IGSF10: variants seen among roughly 807,000 people sequenced by gnomAD.
IGSF10 encodes the protein calvaria mechanical force protein 608.
IGSF10 carries 126 observed loss-of-function variants against 128.2 expected under a neutral mutation model. The observed-to-expected ratio is 0.98, with a 90% CI of 0.85 to 1.14. The LOEUF (loss-of-function observed/expected upper bound fraction) is 1.14, where lower values mean the gene tolerates loss of function less well. IGSF10 is among the 50% of genes most tolerant of loss of function. The pLI is 0.00. For synonymous variants in IGSF10, 1,185 were observed against 1,146.2 expected, an observed-to-expected ratio of 1.03 and a Z score of -0.68; for missense variants, 3,295 against 3,149.8, an observed-to-expected ratio of 1.05 and a Z score of -1.10.
rs779565299 is a variant in IGSF10 at position 151,437,937 on chromosome 3, A to C, written c.6624T>G (p.Ser2208=). 1 of 1,614,130 alleles carries C rather than the reference A, an allele frequency of 6.2e-7. No homozygotes were observed. The highest frequency in any genetic ancestry group is 1.3e-5 in the African/African-American group (1 of 74,948). Residue 2208 remains serine, a synonymous_variant, in exon 8 of 8, where the codon TCT becomes TCG. Coordinates refer to ENST00000282466, the MANE Select transcript of IGSF10 (RefSeq NM_178822.5). ...LTINKVKLLD[S]GEYVCVARNP... ...TTCGGGCTACACATACGTACTCTCC[A>C]GAATCGAGCAGTTTCACTTTGTTGA...
At chr3:151,530,086 T>G in the IGSF10 span, among the ~76,000 whole-genome samples, 3 of 151,350 alleles carry the variant, frequency 2.0e-5, no homozygotes, top group African/African-American at 7.3e-5. Flanking sequence ...ATAGCCGAAT[T>G]GATCAAGCAG....
At position 151,457,045 on chromosome 3, in the gene IGSF10, GAGA is replaced by G; in HGVS notation, c.302_304del (p.Phe101del). ...TCTCACCTGCAAGGCCTGCAAATCT[GAGA>G]AGGTCTTGTCAGGGATTGTGTGAAT... On this transcript the variant is annotated inframe_deletion, in exon 4 of 8. Transcript: ENST00000282466. 6.2e-7 allele frequency: 1 copy of G among 1,614,184 alleles called. No individual in the cohort carries two copies. Among genetic ancestry groups the G allele is most frequent in the Non-Finnish European group, 8.5e-7 (1 of 1,180,022 alleles).
At chr3:151,456,282 T>C (rs1721788054) in intron 4 of IGSF10, among the ~76,000 whole-genome samples, 1 of 152,348 alleles carries the variant, frequency 6.6e-6, no homozygotes, top group East Asian at 1.9e-4. Context: ...CACAGGTACT[T>C]CATCTTTTAC....
chr3:151,459,561 T>C (rs78357174), intron 2 of IGSF10, among the ~76,000 whole-genome samples: 2,353 of 152,322 alleles, frequency 0.015, 55 homozygotes, highest in African/African-American at 0.053. Context: ...TGTCTGCTTT[T>C]GCTCAGCTTC....
chr3:151,554,572 G>A, the IGSF10 span, among the ~76,000 whole-genome samples: 1 of 151,774 alleles, frequency 6.6e-6, no homozygotes, highest in Non-Finnish European at 1.5e-5. Context: ...ATAAAATCTT[G>A]TCTAGTTTCA....
chr3:151,609,063 C>T, the IGSF10 span, among the ~76,000 whole-genome samples: 11 of 152,072 alleles, frequency 7.2e-5, no homozygotes, highest in Admixed American at 2.0e-4. Flanking sequence ...AGACTGAGAA[C>T]GACTGCTTTA....
At chr3:151,592,441 G>T in the IGSF10 span, among the ~76,000 whole-genome samples, 1 of 147,284 alleles carries the variant, frequency 6.8e-6, no homozygotes, top group Non-Finnish European at 1.5e-5. Flanking sequence ...TGTGCATCAG[G>T]TTTGCATCAG....
the IGSF10 span, among the ~76,000 whole-genome samples, chr3:151,577,833 G>A: frequency 6.6e-6 from 1 of 152,146 alleles, no homozygotes. Context: ...TAAGAGATGA[G>A]TAAGTGAGCT....
At chr3:151,568,586 C>T in the IGSF10 span, among the ~76,000 whole-genome samples, 1 of 152,182 alleles carries the variant, frequency 6.6e-6, no homozygotes, top group Non-Finnish European at 1.5e-5. Context: ...AATAAGCTGA[C>T]ATTCAAGCAC....
At chr3:151,485,137 A>T in the IGSF10 span, among the ~76,000 whole-genome samples, 1 of 152,176 alleles carries the variant, frequency 6.6e-6, no homozygotes, top group Non-Finnish European at 1.5e-5. Flanking sequence ...AACACAGTAC[A>T]AGAACTTCAT....
At chr3:151,560,066 G>A in the IGSF10 span, among the ~76,000 whole-genome samples, 2 of 152,072 alleles carry the variant, frequency 1.3e-5, no homozygotes, top group Non-Finnish European at 2.9e-5. Context: ...ACATATGACT[G>A]CAGAAGACCA....
Position 151,437,721 on chromosome 3 carries a change from G to GAAA in IGSF10, c.6837_6839dup (p.Phe2280dup). The GAAA allele has an allele frequency of 7.4e-6, 12 of 1,614,104 alleles. No individual in the cohort carries two copies. Among genetic ancestry groups the GAAA allele is most frequent in the Non-Finnish European group, 1.0e-5 (12 of 1,180,020 alleles). On this transcript the variant is annotated inframe_insertion, in exon 8 of 8. Transcript: ENST00000282466. ...TGCTTCCATAGTATGGGGCTGTGAG[G>GAAA]AAAATATTGTCTGGCATGATCCACA... is the stretch of plus-strand genomic sequence containing the variant.
At chr3:151,463,540 T>TTTTTG (rs1560185531), upstream of IGSF10, among the ~76,000 whole-genome samples, 45 of 109,276 alleles carry the variant, frequency 4.1e-4, no homozygotes, top group Non-Finnish European at 5.5e-4. Context: ...TTTTTTTTTT[T>TTTTTG]TTTTTTTTTT....
At chr3:151,502,153 A>G in the IGSF10 span, among the ~76,000 whole-genome samples, 3 of 152,062 alleles carry the variant, frequency 2.0e-5, no homozygotes, top group Admixed American at 2.0e-4. Context: ...TACGGAACCA[A>G]GTGTTCAGTA....
At chr3:151,508,352 A>G in the IGSF10 span, among the ~76,000 whole-genome samples, 2 of 152,158 alleles carry the variant, frequency 1.3e-5, no homozygotes, top group African/African-American at 2.4e-5. Flanking sequence ...ACACTAATAT[A>G]AAAATAAAAT....
the IGSF10 span, among the ~76,000 whole-genome samples, chr3:151,518,862 G>A: frequency 6.6e-6 from 1 of 151,824 alleles, no homozygotes; most frequent in Non-Finnish European, 1.5e-5. Flanking sequence ...AGTATTTTGA[G>A]GCTCTAAATT....
chr3:151,596,109 A>C, the IGSF10 span, among the ~76,000 whole-genome samples: 1 of 152,322 alleles, frequency 6.6e-6, no homozygotes, highest in East Asian at 1.9e-4. Flanking sequence ...GACAAAAACC[A>C]AAAAGCCAAA....
rs1453581354 is a variant in IGSF10 at position 151,445,420 on chromosome 3, C to T, written c.4561G>A (p.Glu1521Lys). Residue 1521 changes from glutamate to lysine, a missense_variant, in exon 6 of 8, where the codon GAG (glutamate) becomes AAG (lysine). Glu to Lys is a moderately conservative substitution (Grantham distance 56). Coordinates refer to ENST00000282466, the MANE Select transcript of IGSF10 (RefSeq NM_178822.5). ...TGAACCTTGGGGGATGTTGCAACCT[C>T]TGCTACTAATTGCTGTGGTTTAGCA... ...HNAKPQQLVA[E>K]VATSPKVHPN... The T allele has an allele frequency of 1.2e-6, 2 of 1,614,116 alleles. No homozygotes were observed. The highest frequency in any genetic ancestry group is 2.7e-5 in the African/African-American group (2 of 74,942).
At chr3:151,544,219 CTT>C in the IGSF10 span, among the ~76,000 whole-genome samples, 120 of 152,288 alleles carry the variant, frequency 7.9e-4, 2 homozygotes, top group East Asian at 0.019. Flanking sequence ...TGTCAAATGT[CTT>C]TTAATATTTC....
Sources: gnomAD v4.1 joint callset for allele counts (sites outside exome capture counted in the v4.1 genomes callset) on GRCh38, gnomAD v4.1.1 for gene constraint, MANE v1.5 for transcripts, NCBI Gene and HGNC (gene_info 2026-07-23, HGNC 2026-07-21) for gene names.